Variants in SIGLECL1 observed in about 807,000 individuals in gnomAD.
SIGLECL1 encodes SIGLEC family like 1.
Under a neutral mutation model 19.1 loss-of-function variants are expected in SIGLECL1, and 16 were observed. The ratio of observed to expected loss-of-function variants is 0.84; its 90% CI spans 0.57 to 1.27. The LOEUF (loss-of-function observed/expected upper bound fraction) is 1.27, where lower values mean the gene tolerates loss of function less well. Among genes scored for constraint, SIGLECL1 ranks in the 50% most tolerant of loss-of-function variants. SIGLECL1 has a pLI of 0.00. For missense variants in SIGLECL1, 210 were observed against 239.4 expected, an observed-to-expected ratio of 0.88 and a Z score of 0.81; for synonymous variants, 89 against 90.4, an observed-to-expected ratio of 0.98 and a Z score of 0.09.
chr19:51,264,220 A>C (rs1983464958), intron 2 of SIGLECL1, 126 bp downstream of exon 2: 6 of 1,098,296 alleles, frequency 5.5e-6, no homozygotes, highest in East Asian at 2.5e-5. Context: ...CATAAGTACC[A>C]AATAATCAAC....
chr19:51,259,097 G>A (rs188624694), intron 1 of SIGLECL1, among the ~76,000 whole-genome samples: 1 of 150,790 alleles, frequency 6.6e-6, no homozygotes, highest in East Asian at 2.0e-4. Flanking sequence ...TCAGGGGATG[G>A]ATAAGAGATA....
In SIGLECL1 at chr19:51,265,581, G is replaced by A. The variant is rs778874793; in HGVS notation, c.236G>A (p.Gly79Asp). The change falls in exon 3 of 6, where the codon GGC (glycine) becomes GAC (aspartate). Residue 79 changes from glycine to aspartate, a missense_variant. Transcript: ENST00000601727. ...AGCCTAACTGAAGAGCCAGAAATGG[G>A]CATGAGACTTCTCTGTGAGGGGAAG... ...TISLTEEPEM[G>D]MRLLCEGKNQ... The A allele has an allele frequency of 5.0e-6, 8 of 1,614,196 alleles. No homozygotes were observed. Among genetic ancestry groups the A allele is most frequent in the East Asian group, 4.5e-5 (2 of 44,878 alleles).
chr19:51,246,853 C>T (rs1982276669), upstream of SIGLECL1, among the ~76,000 whole-genome samples: 1 of 152,088 alleles, frequency 6.6e-6, no homozygotes, highest in Non-Finnish European at 1.5e-5. Flanking sequence ...GGGTAATCAC[C>T]CCAGCACCTG....
chr19:51,247,796 A>T (rs903060728), upstream of SIGLECL1, among the ~76,000 whole-genome samples: 1 of 152,198 alleles, frequency 6.6e-6, no homozygotes, highest in African/African-American at 2.4e-5. Context: ...AGGCAGACGG[A>T]GGGAGAGATA....
At chr19:51,258,927 A>G (rs918404728) in intron 1 of SIGLECL1, among the ~76,000 whole-genome samples, 1 of 152,182 alleles carries the variant, frequency 6.6e-6, no homozygotes, top group African/African-American at 2.4e-5. Context: ...GAGGAATTTT[A>G]GAAGCCAGAA....
chr19:51,264,113 A>G lies in SIGLECL1; in HGVS notation c.22+19A>G. On this transcript the variant is annotated intron_variant, in intron 2 of 5. Coordinates refer to ENST00000601727, the MANE Select transcript of SIGLECL1 (RefSeq NM_001385465.1). The stretch of plus-strand genomic sequence containing the variant: ...CAGCTGGGTAAGTAAGGTGAGAAGC[A>G]GCACTGGAGGTGTGTTTGGAAGCCA... The G allele has an allele frequency of 1.2e-6, 2 of 1,613,930 alleles. No homozygotes were observed. Among genetic ancestry groups the G allele is most frequent in the African/African-American group, 2.7e-5 (2 of 75,048 alleles).
intron 1 of SIGLECL1, among the ~76,000 whole-genome samples, chr19:51,255,015 T>G (rs1982717503): frequency 6.6e-6 from 1 of 151,796 alleles, no homozygotes; most frequent in African/African-American, 2.4e-5. Context: ...ATCCCAGCAC[T>G]TTGGGAGGCC....
At chr19:51,264,364 AC>A in intron 2 of SIGLECL1, 1 of 391,494 alleles carries the variant, frequency 2.6e-6, no homozygotes, top group Non-Finnish European at 4.6e-6. Flanking sequence ...GCTGTTTCAG[AC>A]ATTACTGGAA....
At position 51,268,225 on chromosome 19, in the gene SIGLECL1, G is replaced by A. The variant is rs562139734; in HGVS notation, c.568-346G>A. On this transcript the variant is annotated intron_variant, in intron 5 of 5. Coordinates refer to ENST00000601727, the MANE Select transcript of SIGLECL1 (RefSeq NM_001385465.1). ...AGGCCTTGTCCTCAGAGAGCAACTAGACTGGTCGAGAAGGCACCTTCACAG... is the reference window on the plus strand; with the variant it reads ...AGGCCTTGTCCTCAGAGAGCAACTAAACTGGTCGAGAAGGCACCTTCACAG... Among the ~76,000 whole-genome samples, 80 of 152,246 alleles carry A rather than the reference G, an allele frequency of 5.3e-4. 1 individual carries two copies. The highest frequency in any genetic ancestry group is 8.3e-4 in the South Asian group (4 of 4,820).
rs995135539 is a variant in SIGLECL1, at chr19:51,251,159, T to C, written c.-577T>C. ...ACGCCGCTATCTCTGTGCAGCCGAC[T>C]GAGGATCCCTAGTCGCATAAGGCTG... On this transcript the variant is annotated 5_prime_UTR_variant, in exon 1 of 6. Transcript: ENST00000601727. 1 of 152,304 alleles carries C rather than the reference T, an allele frequency of 6.6e-6. No homozygotes were observed. The highest frequency in any genetic ancestry group is 1.5e-5 in the Non-Finnish European group (1 of 68,084). 9.4% of individuals were successfully genotyped at this position (152,304 alleles called of 1,614,324 possible).
chr19:51,250,244 G>A (rs565866569), upstream of SIGLECL1, among the ~76,000 whole-genome samples: 9 of 152,048 alleles, frequency 5.9e-5, no homozygotes, highest in Non-Finnish European at 1.2e-4. Context: ...CTGCCACCAC[G>A]CCCAGCTAAT....
chr19:51,268,010 A>G (rs1012602379), intron 5 of SIGLECL1, among the ~76,000 whole-genome samples: 4 of 152,290 alleles, frequency 2.6e-5, no homozygotes, highest in African/African-American at 9.6e-5. Flanking sequence ...CGAGGTTGCT[A>G]TGCCTCACTG....
chr19:51,264,218 C>G (rs2123441101), intron 2 of SIGLECL1, 124 bp downstream of exon 2: 2 of 1,108,758 alleles, frequency 1.8e-6, no homozygotes, highest in East Asian at 2.5e-5. Context: ...GGCATAAGTA[C>G]CAAATAATCA....
At chr19:51,250,178 G>A (rs1188941159), upstream of SIGLECL1, among the ~76,000 whole-genome samples, 1 of 151,348 alleles carries the variant, frequency 6.6e-6, no homozygotes, top group Non-Finnish European at 1.5e-5. Flanking sequence ...CTTCCACCTC[G>A]CGGATTCAAG....
At chr19:51,268,204 C>T (rs1208637136) in intron 5 of SIGLECL1, among the ~76,000 whole-genome samples, 2 of 152,166 alleles carry the variant, frequency 1.3e-5, no homozygotes, top group South Asian at 2.1e-4. Context: ...AAACCTAGGC[C>T]TTGTCCTCAG....
At chr19:51,263,354 C>T (rs542609989) in intron 1 of SIGLECL1, among the ~76,000 whole-genome samples, 2 of 152,276 alleles carry the variant, frequency 1.3e-5, no homozygotes, top group South Asian at 2.1e-4. Flanking sequence ...TGTTGTTTTA[C>T]ACTTCTCACC....
intron 1 of SIGLECL1, among the ~76,000 whole-genome samples, chr19:51,262,919 A>G (rs1983338995): frequency 6.6e-6 from 1 of 152,100 alleles, no homozygotes; most frequent in Non-Finnish European, 1.5e-5. Flanking sequence ...TTATTTTGAG[A>G]TAAAGTCTTA....
chr19:51,253,743 G>A lies in SIGLECL1; in HGVS notation c.-191+2198G>A, dbSNP rs1266640100. Reference sequence around the variant, plus strand: ...ACCATGCTTATACAGCAGTTTTTAAGGCAAAATAGAATCATGAAAAAGACA... The same window carrying A: ...ACCATGCTTATACAGCAGTTTTTAAAGCAAAATAGAATCATGAAAAAGACA... On this transcript the variant is annotated intron_variant, in intron 1 of 5. Coordinates refer to ENST00000601727, the MANE Select transcript of SIGLECL1 (RefSeq NM_001385465.1). 2.0e-5 allele frequency among the ~76,000 whole-genome samples: 3 copies of A among 152,214 alleles called. No homozygotes were observed. The East Asian group carries it at 5.8e-4, about 29-fold the overall frequency.
At chr19:51,260,891 T>C (rs1568444232) in intron 1 of SIGLECL1, among the ~76,000 whole-genome samples, 1 of 152,246 alleles carries the variant, frequency 6.6e-6, no homozygotes, top group Non-Finnish European at 1.5e-5. Flanking sequence ...AATTGTATTC[T>C]GCAGTTATTG....
Sources: allele counts gnomAD v4.1 joint callset (sites outside exome capture counted in the v4.1 genomes callset), GRCh38; gene constraint gnomAD v4.1.1; transcripts MANE v1.5; gene names NCBI Gene and HGNC (gene_info 2026-07-23, HGNC 2026-07-21).